MLXIP: variants seen among roughly 807,000 people sequenced by gnomAD.
The protein encoded by MLXIP is MLX-interacting protein.
A neutral mutation model predicts 87.2 loss-of-function variants in MLXIP; 30 were observed. The observed-to-expected ratio is 0.34, with a 90% CI of 0.26 to 0.47. The LOEUF (loss-of-function observed/expected upper bound fraction) is 0.47, where lower values mean the gene tolerates loss of function less well. Among genes scored for constraint, MLXIP ranks in the 20% least tolerant of loss-of-function variants. The pLI, the probability that MLXIP is intolerant of heterozygous loss-of-function variation, is 1.00. For missense variants in MLXIP, 1,002 were observed against 1,240.1 expected (o/e 0.81, Z 2.88); for synonymous variants, 530 against 514.0 (o/e 1.03, Z -0.42).
chr12:122,134,407 G>A (rs1376100218), intron 9 of MLXIP: 4 of 184,044 alleles, frequency 2.2e-5, no homozygotes, highest in Non-Finnish European at 4.5e-5. Flanking sequence ...TCACTCTGTC[G>A]CCTAGCTGGA....
At chr12:122,101,025 C>T (rs747499199) in intron 1 of MLXIP, among the ~76,000 whole-genome samples, 1 of 152,086 alleles carries the variant, frequency 6.6e-6, no homozygotes, top group African/African-American at 2.4e-5. Context: ...AGATCCTCAA[C>T]TCTTCAAAAA....
At position 122,142,390 on chromosome 12, in the gene MLXIP, A is replaced by C. The variant is rs1694640667; in HGVS notation, c.*578A>C. The C allele has an allele frequency of 5.9e-6, 3 of 511,190 alleles. 1 individual carries two copies. Among genetic ancestry groups the C allele is most frequent in the African/African-American group, 5.7e-5 (3 of 52,400 alleles). 31.7% of individuals were successfully genotyped at this position (511,190 alleles called of 1,614,324 possible). On this transcript the variant is annotated 3_prime_UTR_variant, in exon 17 of 17. Transcript: ENST00000319080. ...TATGCATGGCAGGCTGCCAGGGGGA[A>C]GTGCCTTCTTCAGAGGTCCTCCAGG...
chr12:122,081,090 T>G (rs1396596029), intron 1 of MLXIP, among the ~76,000 whole-genome samples: 1 of 152,218 alleles, frequency 6.6e-6, no homozygotes, highest in Admixed American at 6.5e-5. Context: ...ATGGCATTTT[T>G]TTTTTCATTT....
At chr12:122,094,968 T>C (rs1422457940) in intron 1 of MLXIP, among the ~76,000 whole-genome samples, 1 of 146,658 alleles carries the variant, frequency 6.8e-6, no homozygotes, top group Non-Finnish European at 1.5e-5. Context: ...TGTTGGTGTG[T>C]TTGTGGGGTG....
intron 8 of MLXIP, 126 bp downstream of exon 8, chr12:122,132,509 C>T: frequency 2.7e-6 from 2 of 731,136 alleles, no homozygotes; most frequent in South Asian, 3.4e-5. Flanking sequence ...CCAAGCAGTG[C>T]TAGACCAGCA....
At chr12:122,127,126 A>G (rs747190340) in intron 1 of MLXIP, 130 bp from the exon 2 acceptor site, 3 of 752,194 alleles carry the variant, frequency 4.0e-6, no homozygotes, top group Admixed American at 2.0e-5. Flanking sequence ...CCTGAATTCC[A>G]TGAAGCCGGG....
rs1224302321 is a variant in MLXIP, at chr12:122,136,459, C to CAAAAAAAAAAAAAA, written c.2032+803_2032+816dup. On this transcript the variant is annotated intron_variant, in intron 11 of 16. Coordinates refer to ENST00000319080, the MANE Select transcript of MLXIP (RefSeq NM_014938.6). ...GAAACCTTGTCCCTATCAAAAAATG[C>CAAAAAAAAAAAAAA]AAAAAAAAAAAAAAAAAAAAAAAGC... 6.8e-4 allele frequency: 19 copies of CAAAAAAAAAAAAAA among 28,062 alleles called. 1 individual carries two copies. The highest frequency in any genetic ancestry group is 9.4e-4 in the African/African-American group (10 of 10,680). The allele number at this position is 28,062 out of a possible 1,614,324, so 1.7% of individuals were successfully genotyped here.
At position 122,135,314 on chromosome 12, in the gene MLXIP, A is replaced by G. The variant is rs774122055; in HGVS notation, c.1823A>G (p.Asn608Ser). 3 of 1,613,576 alleles carry G rather than the reference A, an allele frequency of 1.9e-6. No individual in the cohort carries two copies. Among genetic ancestry groups the G allele is most frequent in the East Asian group, 2.2e-5 (1 of 44,894 alleles). ...TTGGCCTCCACCGTGTCCCAGTCCA[A>G]CGTGGTCATTGCGCCTGCTGCCATC... ...GMLASTVSQSNVVIAPAAIAR... is the reference protein window; with the variant it reads ...GMLASTVSQSSVVIAPAAIAR... The change falls in exon 10 of 17, where the codon AAC becomes AGC. Residue 608 changes from asparagine (N) to serine (S), a missense_variant. Coordinates refer to ENST00000319080, the MANE Select transcript of MLXIP (RefSeq NM_014938.6). The surrounding 1 kb of genome is among the most constrained non-coding windows in gnomAD (Gnocchi z 5.3).
At chr12:122,098,780 G>A (rs1462779444) in intron 1 of MLXIP, among the ~76,000 whole-genome samples, 1 of 152,228 alleles carries the variant, frequency 6.6e-6, no homozygotes, top group African/African-American at 2.4e-5. Context: ...GGTGTGGTTT[G>A]CGTCGCTCCG....
chr12:122,123,608 G>A (rs11608788), intron 1 of MLXIP, among the ~76,000 whole-genome samples: 76,664 of 152,076 alleles, frequency 0.5, 19,826 homozygotes, highest in Middle Eastern at 0.64. Flanking sequence ...TCCCCTCATT[G>A]TGTGTGATTA....
At chr12:122,112,603 T>C (rs1326402918) in intron 1 of MLXIP, among the ~76,000 whole-genome samples, 1 of 150,378 alleles carries the variant, frequency 6.6e-6, no homozygotes, top group African/African-American at 2.5e-5. Flanking sequence ...GCCAAGATCG[T>C]GCCACTGCAC....
At chr12:122,090,504 A>C (rs962594234) in intron 1 of MLXIP, among the ~76,000 whole-genome samples, 18 of 152,210 alleles carry the variant, frequency 1.2e-4, no homozygotes, top group South Asian at 4.1e-4. Context: ...CTCAAAAAAA[A>C]AAAACAAAAC....
rs1318250527 is a variant in MLXIP, at chr12:122,141,889, G to A, written c.*77G>A. 3 of 1,574,676 alleles carry A rather than the reference G, an allele frequency of 1.9e-6. No individual in the cohort carries two copies. Among genetic ancestry groups the A allele is most frequent in the Non-Finnish European group, 2.6e-6 (3 of 1,161,402 alleles). On this transcript the variant is annotated 3_prime_UTR_variant, in exon 17 of 17. Coordinates refer to ENST00000319080, the MANE Select transcript of MLXIP (RefSeq NM_014938.6). The stretch of plus-strand genomic sequence containing the variant: ...CATGGAGAGTAGGCTGCGCCCCCCA[G>A]CCCTTCCTGACGCTCAGCCTCGGGG...
intron 1 of MLXIP, among the ~76,000 whole-genome samples, chr12:122,110,866 A>G (rs368467542): frequency 1.4e-4 from 22 of 152,162 alleles, no homozygotes; most frequent in African/African-American, 4.8e-4. Context: ...TCACGAGGTC[A>G]GGAGATCGAG....
rs1015078189 is a variant in MLXIP at position 122,104,581 on chromosome 12, T to C, written c.414-22675T>C. On this transcript the variant is annotated intron_variant, in intron 1 of 16. Transcript: ENST00000319080. ...TTTACCATAATTACCTTTTCTTTTTTTTTTTTTTTTTTTTTTGAGACGGAG... is the reference window on the plus strand; with the variant it reads ...TTTACCATAATTACCTTTTCTTTTTCTTTTTTTTTTTTTTTTGAGACGGAG... Among the ~76,000 whole-genome samples the C allele has an allele frequency of 2.8e-5, 4 of 141,926 alleles. 1 individual carries two copies. The highest frequency in any genetic ancestry group is 1.4e-4 in the Admixed American group (2 of 14,324). The allele number at this position is 141,926 out of a possible 152,430, so 93.1% of individuals were successfully genotyped here.
intron 1 of MLXIP, among the ~76,000 whole-genome samples, chr12:122,119,190 AAAACAAAAC>A (rs376221744): frequency 0.012 from 1,852 of 152,082 alleles, 43 homozygotes; most frequent in African/African-American, 0.043. Context: ...AAAACAAAAC[AAAACAAAAC>A]AAACAAACAA....
At chr12:122,113,465 G>A (rs933272012) in intron 1 of MLXIP, among the ~76,000 whole-genome samples, 1 of 151,724 alleles carries the variant, frequency 6.6e-6, no homozygotes, top group Admixed American at 6.6e-5. Flanking sequence ...ATATGGTTTC[G>A]CCATGCTGTC....
rs373458522 is a variant in MLXIP, at chr12:122,129,529, A to T, written c.697-59A>T. The T allele has an allele frequency of 1.8e-3, 2,797 of 1,591,772 alleles. 11 individuals are homozygous for T. Among genetic ancestry groups the T allele is most frequent in the South Asian group, 5.5e-3 (485 of 88,534 alleles). ...TCCCTGAGAGTTCTGTATATTCTAG[A>T]GCCCTTGGGCCCTCCTAGGGCCATT... is the stretch of plus-strand genomic sequence containing the variant. On this transcript the variant is annotated intron_variant, in intron 4 of 16. Transcript: ENST00000319080.
intron 7 of MLXIP, among the ~76,000 whole-genome samples, chr12:122,131,215 C>T (rs1952971710): frequency 6.6e-6 from 1 of 152,120 alleles, no homozygotes; most frequent in African/African-American, 2.4e-5. Flanking sequence ...CAGCTCCCTA[C>T]CAAGGCCCTG....
Sources: gnomAD v4.1 joint callset for allele counts (sites outside exome capture counted in the v4.1 genomes callset) on GRCh38, gnomAD v4.1.1 for gene constraint, Gnocchi (gnomAD v3.1) non-coding constraint, MANE v1.5 for transcripts, NCBI Gene and HGNC (gene_info 2026-07-23, HGNC 2026-07-21) for gene names.